UBIAD1: variants seen among roughly 807,000 people sequenced by gnomAD.
The protein encoded by UBIAD1 is UbiA prenyltransferase domain containing 1, also known as ubiA prenyltransferase domain-containing protein 1.
UBIAD1 carries 12 observed loss-of-function variants against 20.1 expected under a neutral mutation model. The observed-to-expected ratio is 0.60, with a 90% CI of 0.38 to 0.97. The LOEUF (loss-of-function observed/expected upper bound fraction) is 0.97. UBIAD1 is among the 50% of genes least tolerant of loss of function. The pLI is 0.00. For missense variants in UBIAD1, 333 were observed against 419.5 expected, an observed-to-expected ratio of 0.79 and a Z score of 1.80; for synonymous variants, 207 against 189.2, an observed-to-expected ratio of 1.09 and a Z score of -0.77.
downstream of UBIAD1, among the ~76,000 whole-genome samples, chr1:11,290,717 G>A (rs1222225650): frequency 1.3e-5 from 2 of 152,272 alleles, no homozygotes; most frequent in South Asian, 4.1e-4. Context: ...GGTGGCTTAC[G>A]CCTGTAATCC....
downstream of UBIAD1, among the ~76,000 whole-genome samples, chr1:11,298,690 GTTA>G (rs1182405763): frequency 2.6e-5 from 4 of 152,232 alleles, no homozygotes; most frequent in Admixed American, 6.5e-5. This position sits in a 1 kb window ranked among gnomAD's most constrained non-coding sequence, Gnocchi z 4.0. Context: ...CAGTGGTGCA[GTTA>G]TTATCCTGGG....
intron 1 of UBIAD1, 108 bp downstream of exon 1, chr1:11,274,168 C>A: frequency 7.3e-7 from 1 of 1,361,420 alleles, no homozygotes; most frequent in Non-Finnish European, 1.0e-6. Flanking sequence ...CTAATTTAAG[C>A]CGCTTTAATT....
At chr1:11,280,397 A>G (rs1652202392) in intron 1 of UBIAD1, among the ~76,000 whole-genome samples, 1 of 152,128 alleles carries the variant, frequency 6.6e-6, no homozygotes, top group Non-Finnish European at 1.5e-5. Context: ...CTCTATCTCC[A>G]TGTACTCCCT....
chr1:11,281,187 A>G (rs1002438031), intron 1 of UBIAD1, among the ~76,000 whole-genome samples: 13 of 151,772 alleles, frequency 8.6e-5, no homozygotes, highest in African/African-American at 2.9e-4. Context: ...TCCTTCACCT[A>G]TTTGCCCAAA....
downstream of UBIAD1, among the ~76,000 whole-genome samples, chr1:11,293,195 A>G (rs185091532): frequency 5.9e-5 from 9 of 152,160 alleles, no homozygotes; most frequent in African/African-American, 1.4e-4. Flanking sequence ...GGGCGCTTCT[A>G]TGATGTTAAG....
rs1006565017 is a variant in UBIAD1 at position 11,285,884 on chromosome 1, C to T, written c.770C>T (p.Ser257Phe). The T allele has an allele frequency of 2.5e-6, 4 of 1,614,110 alleles. No individual in the cohort carries two copies. The highest frequency in any genetic ancestry group is 2.5e-6 in the Non-Finnish European group (3 of 1,180,050). Residue 257 changes from serine (S) to phenylalanine (F), a missense_variant, in exon 2 of 2, where the codon TCC (serine) becomes TTC (phenylalanine). Around this residue, in one of 3 missense-constraint regions of UBIAD1, gnomAD observed 226 missense variants for 263.5 expected, o/e 0.86. Coordinates refer to ENST00000376810, the MANE Select transcript of UBIAD1 (RefSeq NM_013319.3). This position sits in a 1 kb window ranked among gnomAD's most constrained non-coding sequence, Gnocchi z 4.4. ...TLAILIGPTF[S>F]YILYNTLLFL... ...GCCATCCTCATCGGCCCCACGTTCT[C>T]CTACATTCTCTACAACACACTGCTC... is the stretch of plus-strand genomic sequence containing the variant.
intron 1 of UBIAD1, among the ~76,000 whole-genome samples, chr1:11,276,892 T>C (rs963095599): frequency 6.6e-6 from 1 of 152,108 alleles, no homozygotes; most frequent in African/African-American, 2.4e-5. Context: ...AAAACAATCC[T>C]GAACATATTT....
At chr1:11,279,897 C>T (rs1557517261) in intron 1 of UBIAD1, among the ~76,000 whole-genome samples, 1 of 152,104 alleles carries the variant, frequency 6.6e-6, no homozygotes, top group Non-Finnish European at 1.5e-5. Flanking sequence ...CAGTCCTGGT[C>T]TGAGCCCTGG....
intron 1 of UBIAD1, among the ~76,000 whole-genome samples, chr1:11,277,512 G>C (rs1448907519): frequency 1.3e-5 from 2 of 151,948 alleles, no homozygotes; most frequent in African/African-American, 4.8e-5. Flanking sequence ...CACCTCAAGT[G>C]ATCAACCCTC....
chr1:11,276,470 C>G (rs1652030779), intron 1 of UBIAD1, among the ~76,000 whole-genome samples: 1 of 152,014 alleles, frequency 6.6e-6, no homozygotes, highest in Non-Finnish European at 1.5e-5. Flanking sequence ...TCCAGACCAG[C>G]CTGGCCAACA....
At chr1:11,282,692 A>G (rs1390408842) in intron 1 of UBIAD1, among the ~76,000 whole-genome samples, 2 of 150,518 alleles carry the variant, frequency 1.3e-5, no homozygotes, top group African/African-American at 4.9e-5. Context: ...CCTCCCGAGT[A>G]GCTGGGATTA....
At chr1:11,297,742 G>A (rs1305865006), downstream of UBIAD1, among the ~76,000 whole-genome samples, 2 of 152,104 alleles carry the variant, frequency 1.3e-5, no homozygotes, top group South Asian at 4.1e-4. Flanking sequence ...AGTTGAGAAT[G>A]CGCTGAAGAA....
chr1:11,274,139 G>A, intron 1 of UBIAD1, 79 bp downstream of exon 1: 2 of 1,554,700 alleles, frequency 1.3e-6, no homozygotes, highest in Non-Finnish European at 1.8e-6. Context: ...GGAGTTATAG[G>A]GATGTCAAAG....
Position 11,285,547 on chromosome 1 carries a change from C to T in UBIAD1, c.530-97C>T. The T allele has an allele frequency of 1.3e-6, 2 of 1,584,534 alleles. No homozygotes were observed. The highest frequency in any genetic ancestry group is 1.7e-6 in the Non-Finnish European group (2 of 1,163,034). The stretch of plus-strand genomic sequence containing the variant: ...CCACCTGCACAGTCTAAGGATTTAC[C>T]ATTTTCAGCCGGAAGTGGCCTGCCT... On this transcript the variant is annotated intron_variant, in intron 1 of 1. Coordinates refer to ENST00000376810, the MANE Select transcript of UBIAD1 (RefSeq NM_013319.3). This position sits in a 1 kb window ranked among gnomAD's most constrained non-coding sequence, Gnocchi z 4.4.
In UBIAD1 at chr1:11,285,908, T is replaced by C; in HGVS notation, c.794T>C (p.Leu265Pro). ...TFSYILYNTLLFLPYLVFSIL... is the reference protein window; with the variant it reads ...TFSYILYNTLPFLPYLVFSIL... Reference sequence around the variant, plus strand: ...TCCTACATTCTCTACAACACACTGCTCTTCCTGCCCTACCTGGTCTTCAGC... The same window carrying C: ...TCCTACATTCTCTACAACACACTGCCCTTCCTGCCCTACCTGGTCTTCAGC... Residue 265 changes from leucine to proline, a missense_variant, in exon 2 of 2, where the codon CTC becomes CCC. Transcript: ENST00000376810. This position sits in a 1 kb window ranked among gnomAD's most constrained non-coding sequence, Gnocchi z 4.4. The C allele has an allele frequency of 1.2e-6, 2 of 1,614,140 alleles. No homozygotes were observed. Among genetic ancestry groups the C allele is most frequent in the Non-Finnish European group, 1.7e-6 (2 of 1,180,026 alleles).
At chr1:11,295,101 G>A in exon 2 of UBIAD1, 2 of 609,636 alleles carry the variant, frequency 3.3e-6, no homozygotes, top group Non-Finnish European at 5.9e-6. Flanking sequence ...GGTTCAGTGT[G>A]CTGTGTGGAG....
chr1:11,277,415 G>A (rs1255441577), intron 1 of UBIAD1, among the ~76,000 whole-genome samples: 3 of 151,484 alleles, frequency 2.0e-5, no homozygotes, highest in Non-Finnish European at 4.4e-5. Context: ...CAGTAGCTGG[G>A]ATTACAGGTG....
At chr1:11,283,311 C>T (rs191969616) in intron 1 of UBIAD1, among the ~76,000 whole-genome samples, 216 of 152,296 alleles carry the variant, frequency 1.4e-3, no homozygotes, top group Middle Eastern at 0.01. Flanking sequence ...CAAGAGTGGG[C>T]AGCTGTAGAG....
chr1:11,279,861 G>T (rs773221103), intron 1 of UBIAD1, among the ~76,000 whole-genome samples: 1 of 152,194 alleles, frequency 6.6e-6, no homozygotes, highest in Non-Finnish European at 1.5e-5. Context: ...AGGTCATCAA[G>T]GGGGAGGGAG....
Sources: allele counts gnomAD v4.1 joint callset (sites outside exome capture counted in the v4.1 genomes callset), GRCh38; gene constraint gnomAD v4.1.1; regional missense constraint gnomAD v4.1.1; non-coding constraint Gnocchi (gnomAD v3.1); transcripts MANE v1.5; gene names NCBI Gene and HGNC (gene_info 2026-07-23, HGNC 2026-07-21).